TBC1D1: variants seen among roughly 807,000 people sequenced by gnomAD.
The protein encoded by TBC1D1 is TBC1 (tre-2/USP6, BUB2, cdc16) domain family, member 1.
In TBC1D1, 89 loss-of-function variants were observed where a neutral mutation model predicts 125.6. That is an observed-to-expected ratio of 0.71 (90% CI 0.60 to 0.85). The LOEUF is 0.85. Ranked by LOEUF, TBC1D1 falls within the 40% of genes least tolerant of loss-of-function variation. TBC1D1 has a pLI of 0.00. For missense variants in TBC1D1, 1,377 were observed against 1,469.2 expected, an observed-to-expected ratio of 0.94 and a Z score of 1.03; for synonymous variants, 565 against 564.1, an observed-to-expected ratio of 1.00 and a Z score of -0.02.
chr4:38,132,318 A>G (rs903271164), intron 18 of TBC1D1, among the ~76,000 whole-genome samples: 2 of 152,208 alleles, frequency 1.3e-5, no homozygotes, highest in African/African-American at 2.4e-5. Context: ...AACTGGAAAG[A>G]AAGGAAATGC....
chr4:38,069,710 C>G (rs1207358154), intron 12 of TBC1D1, among the ~76,000 whole-genome samples: 1 of 152,156 alleles, frequency 6.6e-6, no homozygotes, highest in East Asian at 1.9e-4. Context: ...TCTGTGTTTT[C>G]TTCCAGGTTT....
At chr4:37,960,411 T>C (rs1729741795) in intron 2 of TBC1D1, 1 of 1,586,012 alleles carries the variant, frequency 6.3e-7, no homozygotes, top group Non-Finnish European at 8.6e-7. Flanking sequence ...TGAATGTGGC[T>C]GTTGAGAGCG....
chr4:37,945,177 C>A (rs889935944), intron 2 of TBC1D1, among the ~76,000 whole-genome samples: 9 of 152,010 alleles, frequency 5.9e-5, no homozygotes, highest in Non-Finnish European at 1.5e-5. Context: ...GCTCTTGGTC[C>A]AAGTATAAGG....
chr4:37,946,137 A>C (rs904796203), intron 2 of TBC1D1, among the ~76,000 whole-genome samples: 1 of 152,230 alleles, frequency 6.6e-6, no homozygotes, highest in Non-Finnish European at 1.5e-5. Context: ...TATTAAATTT[A>C]ATTTTCTCTT....
intron 11 of TBC1D1, chr4:38,051,949 C>T: frequency 6.4e-7 from 1 of 1,550,728 alleles, no homozygotes; most frequent in Non-Finnish European, 8.7e-7. Flanking sequence ...GGTCAGTCTT[C>T]AGCTCCTGCT....
At chr4:37,987,570 A>C (rs552017721) in intron 2 of TBC1D1, among the ~76,000 whole-genome samples, 1 of 152,348 alleles carries the variant, frequency 6.6e-6, no homozygotes, top group South Asian at 2.1e-4. Flanking sequence ...TCTGCTTTTA[A>C]AAATAGATAT....
intron 2 of TBC1D1, among the ~76,000 whole-genome samples, 199 bp downstream of exon 2, chr4:37,902,711 T>G (rs1316153203): frequency 1.3e-5 from 2 of 152,240 alleles, no homozygotes; most frequent in African/African-American, 4.8e-5. Flanking sequence ...TACGAGAAAT[T>G]ATCAGTTTTT....
intron 15 of TBC1D1, among the ~76,000 whole-genome samples, chr4:38,108,869 A>T (rs1390374457): frequency 6.6e-6 from 1 of 152,248 alleles, no homozygotes; most frequent in Non-Finnish European, 1.5e-5. Context: ...GAGAACCTCC[A>T]AAAGGAAGGA....
At chr4:38,074,583 CT>C (rs1755244422) in intron 12 of TBC1D1, among the ~76,000 whole-genome samples, 1 of 152,142 alleles carries the variant, frequency 6.6e-6, no homozygotes, top group African/African-American at 2.4e-5. Flanking sequence ...AAATTTTTTA[CT>C]GAATTACTTC....
chr4:37,981,951 G>C (rs1356130147), intron 2 of TBC1D1, among the ~76,000 whole-genome samples: 1 of 152,214 alleles, frequency 6.6e-6, no homozygotes. Flanking sequence ...GTCATTGTCT[G>C]TATTTTGAAA....
intron 2 of TBC1D1, among the ~76,000 whole-genome samples, chr4:37,908,543 C>T (rs1717853764): frequency 6.6e-6 from 1 of 152,126 alleles, no homozygotes; most frequent in Non-Finnish European, 1.5e-5. Flanking sequence ...TCTTATCGCA[C>T]TCGAAATATG....
chr4:38,029,959 T>C (rs866085990), intron 7 of TBC1D1, among the ~76,000 whole-genome samples: 3 of 152,220 alleles, frequency 2.0e-5, no homozygotes, highest in African/African-American at 7.2e-5. Flanking sequence ...AAATGGACAA[T>C]ATGCTTCTGA....
At chr4:38,019,321 G>A (rs151072633) in intron 4 of TBC1D1, among the ~76,000 whole-genome samples, 1 of 152,158 alleles carries the variant, frequency 6.6e-6, no homozygotes, top group East Asian at 1.9e-4. Flanking sequence ...GATTGAATAG[G>A]GAACCATTTA....
At chr4:38,051,913 C>T (rs1560695500) in intron 11 of TBC1D1, 36 of 1,550,434 alleles carry the variant, frequency 2.3e-5, no homozygotes, top group Non-Finnish European at 3.1e-5. Context: ...GATCCTTCAC[C>T]TGTGGGTGAG....
Position 37,901,867 on chromosome 4 carries a change from T to C in TBC1D1, c.-93-136T>C, listed in dbSNP as rs186787212. 3.6e-5 allele frequency: 16 copies of C among 445,910 alleles called. No individual in the cohort carries two copies. In the Admixed American group the frequency reaches 6.4e-4, roughly 18 times the overall value. 27.6% of individuals were successfully genotyped at this position (445,910 alleles called of 1,614,324 possible). A position where few individuals can be genotyped will look rare whatever the true frequency, so the allele number is the denominator to read the frequency against. The stretch of plus-strand genomic sequence containing the variant: ...AATACAATTTTGAGAAAGTTCTTTC[T>C]AGGCAGAGAAGCTTATTTGAACCTC... On this transcript the variant is annotated intron_variant, in intron 1 of 19. Transcript: ENST00000261439.
At chr4:38,055,909 G>T (rs1751616216) in intron 12 of TBC1D1, among the ~76,000 whole-genome samples, 1 of 152,320 alleles carries the variant, frequency 6.6e-6, no homozygotes, top group Non-Finnish European at 1.5e-5. Flanking sequence ...TCTGAAAGGG[G>T]TGCCAGAACC....
At position 37,911,406 on chromosome 4, in the gene TBC1D1, G is replaced by A. The variant is rs545964407; in HGVS notation, c.417+8894G>A. Among the ~76,000 whole-genome samples, 41 of 152,224 alleles carry A rather than the reference G, an allele frequency of 2.7e-4. No individual in the cohort carries two copies. In the South Asian group the frequency reaches 7.7e-3, roughly 29 times the overall value. On this transcript the variant is annotated intron_variant, in intron 2 of 19. Transcript: ENST00000261439. ...CCACAACCACAGAAGGTGCCGTGCC[G>A]GGCTAGCCTGGCACTGGGAAAACTT...
At chr4:38,106,617 C>T (rs1049087329) in intron 15 of TBC1D1, among the ~76,000 whole-genome samples, 1 of 152,148 alleles carries the variant, frequency 6.6e-6, no homozygotes, top group Non-Finnish European at 1.5e-5. Context: ...CACACTTGCT[C>T]CAAGGCTGGG....
chr4:38,021,045 C>T (rs1743902373), intron 5 of TBC1D1, among the ~76,000 whole-genome samples: 1 of 152,168 alleles, frequency 6.6e-6, no homozygotes, highest in Non-Finnish European at 1.5e-5. Context: ...TAAAGACATA[C>T]CTGACACTGG....
Sources: allele counts gnomAD v4.1 joint callset (sites outside exome capture counted in the v4.1 genomes callset), GRCh38; gene constraint gnomAD v4.1.1; transcripts MANE v1.5; gene names NCBI Gene and HGNC (gene_info 2026-07-23, HGNC 2026-07-21).